GPHN: variants seen among roughly 807,000 people sequenced by gnomAD.
GPHN encodes gephyrin.
In GPHN, 17 loss-of-function variants were observed where a neutral mutation model predicts 95.5. The observed-to-expected ratio is 0.18, with a 90% confidence interval of 0.12 to 0.27. The LOEUF (loss-of-function observed/expected upper bound fraction) is 0.27. Ranked by LOEUF, GPHN falls within the 10% of genes least tolerant of loss-of-function variation. The pLI is 1.00. For missense variants in GPHN, 660 were observed against 978.1 expected (o/e 0.67, Z 4.34); for synonymous variants, 320 against 322.5 (o/e 0.99, Z 0.08).
intron 16 of GPHN, among the ~76,000 whole-genome samples, chr14:67,118,734 A>G (rs2078841801): frequency 6.6e-6 from 1 of 151,900 alleles, no homozygotes; most frequent in Admixed American, 6.6e-5. Context: ...TCCGTCTCAA[A>G]AAAAAAAAAA....
the GPHN span, among the ~76,000 whole-genome samples, chr14:67,446,877 T>A: frequency 2.6e-5 from 4 of 152,224 alleles, no homozygotes; most frequent in African/African-American, 7.2e-5. Flanking sequence ...AAAGAAAGTT[T>A]TTTTTTTTGG....
At chr14:67,359,767 C>G in the GPHN span, 23 of 1,575,388 alleles carry the variant, frequency 1.5e-5, no homozygotes, top group Non-Finnish European at 1.9e-5. Flanking sequence ...CAGAACTGGC[C>G]TCCACAGTGT....
At chr14:67,576,372 G>A in the GPHN span, 24 of 1,423,442 alleles carry the variant, frequency 1.7e-5, no homozygotes, top group African/African-American at 5.6e-5. The surrounding 1 kb of genome is among the most constrained non-coding windows in gnomAD (Gnocchi z 4.0). Flanking sequence ...GTCCCCATCC[G>A]ATGGCTTTCC....
chr14:66,922,519 T>C, intron 6 of GPHN, 147 bp from the exon 7 acceptor site: 1 of 641,798 alleles, frequency 1.6e-6, no homozygotes, highest in East Asian at 2.7e-5. Context: ...CATGGCATAT[T>C]GCTAAGACAA....
intron 5 of GPHN, among the ~76,000 whole-genome samples, chr14:66,898,741 A>G (rs1454182680): frequency 1.3e-5 from 2 of 151,914 alleles, no homozygotes; most frequent in Non-Finnish European, 2.9e-5. Flanking sequence ...TGTAAATTTT[A>G]GAATAAGTTT....
At chr14:67,447,860 C>T in the GPHN span, 1 of 152,218 alleles carries the variant, frequency 6.6e-6, no homozygotes, top group Non-Finnish European at 1.5e-5. Context: ...CAGACAGTGG[C>T]CATTAGAGCT....
At chr14:67,372,386 C>T in the GPHN span, among the ~76,000 whole-genome samples, 1 of 152,134 alleles carries the variant, frequency 6.6e-6, no homozygotes. Context: ...GCAAAGATTT[C>T]TTAGATAGCA....
the GPHN span, among the ~76,000 whole-genome samples, chr14:67,609,732 G>A: frequency 6.6e-6 from 1 of 152,120 alleles, no homozygotes; most frequent in Non-Finnish European, 1.5e-5. Context: ...TTGCTCCAGA[G>A]CTGTTTCAGC....
At chr14:66,696,801 A>T (rs866042837) in intron 2 of GPHN, among the ~76,000 whole-genome samples, 6 of 152,292 alleles carry the variant, frequency 3.9e-5, no homozygotes, top group Middle Eastern at 3.4e-3. Context: ...TTACTACTAA[A>T]TGAGTTAAAT....
chr14:66,775,733 G>T (rs936569558), intron 2 of GPHN, among the ~76,000 whole-genome samples: 1 of 152,080 alleles, frequency 6.6e-6, no homozygotes, highest in African/African-American at 2.4e-5. Flanking sequence ...ATACACAGTT[G>T]GCACATGATC....
chr14:67,393,440 T>G, the GPHN span, among the ~76,000 whole-genome samples: 1 of 151,988 alleles, frequency 6.6e-6, no homozygotes, highest in Admixed American at 6.6e-5. Context: ...TGATGATTGA[T>G]TTTTGTTGTT....
At chr14:66,639,427 T>A (rs569077691) in intron 1 of GPHN, among the ~76,000 whole-genome samples, 1 of 152,164 alleles carries the variant, frequency 6.6e-6, no homozygotes, top group Non-Finnish European at 1.5e-5. Context: ...GTGTCTCTGG[T>A]TCATACATGA....
Position 66,508,267 on chromosome 14 carries a change from C to A in GPHN, c.-261C>A, listed in dbSNP as rs41301477. ...TCTCCCCGTGCGGCCACCGCGCCCC[C>A]CAAGCTTGCCTCCTTCTTGCCGGAC... On this transcript the variant is annotated 5_prime_UTR_variant, in exon 1 of 23. Coordinates refer to ENST00000478722, the MANE Select transcript of GPHN (RefSeq NM_020806.5). 8.2e-5 allele frequency: 47 copies of A among 574,266 alleles called. No individual in the cohort carries two copies. Among genetic ancestry groups the A allele is most frequent in the South Asian group, 4.8e-4 (24 of 50,304 alleles). 35.6% of individuals were successfully genotyped at this position (574,266 alleles called of 1,614,324 possible).
chr14:66,710,959 GAA>G (rs2069558884), intron 2 of GPHN, among the ~76,000 whole-genome samples: 1 of 152,196 alleles, frequency 6.6e-6, no homozygotes, highest in Admixed American at 6.5e-5. Context: ...CATACTCTAA[GAA>G]AGGTCCACAT....
At chr14:66,591,492 A>G (rs1273753974) in intron 1 of GPHN, among the ~76,000 whole-genome samples, 3 of 150,892 alleles carry the variant, frequency 2.0e-5, no homozygotes, top group Non-Finnish European at 4.4e-5. Context: ...AAAAATCACA[A>G]GAATTTCTAT....
At chr14:67,646,963 A>T in the GPHN span, 1 of 1,612,332 alleles carries the variant, frequency 6.2e-7, no homozygotes, top group Non-Finnish European at 8.5e-7. Context: ...TTTCCATGAG[A>T]GATATTGATC....
chr14:67,255,489 AT>A, the GPHN span, among the ~76,000 whole-genome samples: 7 of 152,104 alleles, frequency 4.6e-5, no homozygotes, highest in South Asian at 1.2e-3. Flanking sequence ...AATATATATG[AT>A]TTATTTGTGT....
chr14:67,218,927 C>T, the GPHN span, among the ~76,000 whole-genome samples: 1 of 151,984 alleles, frequency 6.6e-6, no homozygotes, highest in Non-Finnish European at 1.5e-5. Context: ...CACAGCAGAT[C>T]CTGGCCCAGG....
intron 11 of GPHN, among the ~76,000 whole-genome samples, chr14:67,070,677 AGAGT>A (rs1049524694): frequency 3.6e-5 from 5 of 138,596 alleles, no homozygotes; most frequent in Non-Finnish European, 7.6e-5. Flanking sequence ...GCCTAGTGAC[AGAGT>A]GAGACTTCAT....
Sources: gnomAD v4.1 joint callset for allele counts (sites outside exome capture counted in the v4.1 genomes callset) on GRCh38, gnomAD v4.1.1 for gene constraint, Gnocchi (gnomAD v3.1) non-coding constraint, MANE v1.5 for transcripts, NCBI Gene and HGNC (gene_info 2026-07-23, HGNC 2026-07-21) for gene names.